The following SETD5 variants were observed in gnomAD, a reference collection of about 807,000 sequenced individuals.
SETD5 encodes SET domain containing 5.
In SETD5, 44 loss-of-function variants were observed where a neutral mutation model predicts 153.3. The observed-to-expected ratio is 0.29, with a 90% CI of 0.23 to 0.37. SETD5 has a LOEUF of 0.37. Ranked by LOEUF, SETD5 falls within the 10% of genes least tolerant of loss-of-function variation. SETD5 has a pLI of 1.00. For synonymous variants in SETD5, 716 were observed against 645.2 expected, an observed-to-expected ratio of 1.11 and a Z score of -1.66; for missense variants, 1,544 against 1,768.0, an observed-to-expected ratio of 0.87 and a Z score of 2.27.
In SETD5 at chr3:9,435,878, G is replaced by A. The variant is rs756805346; in HGVS notation, c.539G>A (p.Arg180His). The A allele has an allele frequency of 2.8e-5, 44 of 1,592,706 alleles. No homozygotes were observed. Among genetic ancestry groups the A allele is most frequent in the Middle Eastern group, 1.7e-4 (1 of 6,056 alleles). Residue 180 changes from arginine (R) to histidine (H), a missense_variant, in exon 7 of 23, where the codon CGT (arginine) becomes CAT (histidine). Arg to His is a conservative substitution (Grantham distance 29). This residue lies in a region of SETD5 where 251 missense variants were observed against 326.9 expected (regional missense o/e 0.77). Transcript: ENST00000402198. Reference sequence around the variant, plus strand: ...CGGAAAAAGAGTCCAGAAAAGGGTCGTGCAGCACCAAAGACGAAGAAAATC... The same window carrying A: ...CGGAAAAAGAGTCCAGAAAAGGGTCATGCAGCACCAAAGACGAAGAAAATC... The part of the protein sequence containing the change: ...KKRKKSPEKG[R>H]AAPKTKKIKN...
rs201561587 is a variant in SETD5 at position 9,447,813 on chromosome 3, A to G, written c.1910A>G (p.Asn637Ser). The G allele has an allele frequency of 8.8e-5, 142 of 1,613,942 alleles. No individual in the cohort carries two copies. The highest frequency in any genetic ancestry group is 4.7e-4 in the Admixed American group (28 of 60,010). The part of the protein sequence containing the change: ...AQRLKRQKQA[N>S]AQQAELSQAA... ...AGACTAAAGCGTCAGAAGCAGGCCA[A>G]TGCACAGCAGGCAGAATTGTCACAA... Residue 637 changes from asparagine (N) to serine (S), a missense_variant, in exon 15 of 23, where the codon AAT becomes AGT. This residue lies in a region of SETD5 where 782 missense variants were observed against 787.2 expected (regional missense o/e 0.99). Transcript: ENST00000402198.
At chr3:9,409,068 A>G (rs2036157330) in intron 1 of SETD5, among the ~76,000 whole-genome samples, 1 of 152,222 alleles carries the variant, frequency 6.6e-6, no homozygotes, top group Non-Finnish European at 1.5e-5. Context: ...TTGGTTGAAG[A>G]CTGAAGAAAA....
At chr3:9,453,035 C>T (rs2042811826) in intron 16 of SETD5, among the ~76,000 whole-genome samples, 1 of 152,108 alleles carries the variant, frequency 6.6e-6, no homozygotes, top group Non-Finnish European at 1.5e-5. Flanking sequence ...AAATTTATTT[C>T]TTGTCAGTTT....
intron 18 of SETD5, among the ~76,000 whole-genome samples, chr3:9,469,786 G>C (rs1459193266): frequency 6.6e-6 from 1 of 152,192 alleles, no homozygotes; most frequent in Non-Finnish European, 1.5e-5. Flanking sequence ...AATCTGCAGT[G>C]ATGAGCATTA....
chr3:9,445,741 G>A lies in SETD5; in HGVS notation c.1524+1G>A. The A allele has an allele frequency of 6.2e-7, 1 of 1,606,256 alleles. No homozygotes were observed. The highest frequency in any genetic ancestry group is 1.7e-5 in the Admixed American group (1 of 58,890). The stretch of plus-strand genomic sequence containing the variant: ...GGAGAACCTAGCTCATAGCAGGAGG[G>A]TGAGTACTGTCTGACATTACTTTGC... On this transcript the variant is annotated splice_donor_variant, in intron 13 of 22. Coordinates refer to ENST00000402198, the MANE Select transcript of SETD5 (RefSeq NM_001080517.3). LOFTEE classifies it high-confidence loss of function.
At chr3:9,433,345 T>C in intron 3 of SETD5, 1 of 1,285,126 alleles carries the variant, frequency 7.8e-7, no homozygotes, top group African/African-American at 1.5e-5. Context: ...TAAGATGCCA[T>C]TGTTTTTACC....
intron 1 of SETD5, among the ~76,000 whole-genome samples, chr3:9,421,788 C>A (rs182928407): frequency 1.3e-5 from 2 of 152,062 alleles, no homozygotes; most frequent in Admixed American, 6.5e-5. Flanking sequence ...ATTTATTGAC[C>A]TATTAAAGAT....
At chr3:9,448,341 A>G (rs2042251696) in intron 15 of SETD5, 47 bp from the exon 16 acceptor site, 1 of 1,595,812 alleles carries the variant, frequency 6.3e-7, no homozygotes, top group Non-Finnish European at 8.5e-7. Flanking sequence ...TATGAACTAC[A>G]CTGCTACCTC....
intron 3 of SETD5, chr3:9,430,436 TTTTG>T (rs572549871): frequency 3.1e-4 from 222 of 727,626 alleles, no homozygotes; most frequent in Non-Finnish European, 3.6e-4. Flanking sequence ...CTTCTTTTGT[TTTTG>T]TTTGTTTTGT....
At chr3:9,442,819 C>G (rs2125203102) in intron 10 of SETD5, 1 of 166,332 alleles carries the variant, frequency 6.0e-6, no homozygotes, top group South Asian at 1.4e-4. Context: ...GGGCAGATAA[C>G]AAGGTCAGGA....
At chr3:9,422,972 C>T (rs1575295114) in intron 1 of SETD5, among the ~76,000 whole-genome samples, 1 of 152,332 alleles carries the variant, frequency 6.6e-6, no homozygotes, top group East Asian at 1.9e-4. Flanking sequence ...TCCTGCCAGT[C>T]CTCTTCACAG....
chr3:9,429,496 A>G (rs2039713263), intron 3 of SETD5, among the ~76,000 whole-genome samples: 1 of 152,186 alleles, frequency 6.6e-6, no homozygotes, highest in Non-Finnish European at 1.5e-5. Context: ...GAACAGCGTC[A>G]TCTGTTTTTT....
rs1391348092 is a variant in SETD5, at chr3:9,441,464, A to T, written c.811-129A>T. 3.7e-6 allele frequency: 3 copies of T among 804,870 alleles called. No homozygotes were observed. The African/African-American group carries it at 5.3e-5, about 14-fold the overall frequency. The allele number at this position is 804,870 out of a possible 1,614,324, so 49.9% of individuals were successfully genotyped here. ...TCATCACATTTTAAAATTTCTCATC[A>T]TTGATCTAAATAACATGTACAGATA... On this transcript the variant is annotated intron_variant, in intron 8 of 22. Coordinates refer to ENST00000402198, the MANE Select transcript of SETD5 (RefSeq NM_001080517.3).
At position 9,475,822 on chromosome 3, in the gene SETD5, G is replaced by C; in HGVS notation, c.4060G>C (p.Asp1354His). The C allele has an allele frequency of 6.2e-7, 1 of 1,613,990 alleles. No homozygotes were observed. Among genetic ancestry groups the C allele is most frequent in the Middle Eastern group, 1.6e-4 (1 of 6,062 alleles). Residue 1354 changes from aspartate to histidine, a missense_variant, in exon 23 of 23, where the codon GAC becomes CAC. By Grantham distance (81) the Asp-to-His change is moderately conservative. Coordinates refer to ENST00000402198, the MANE Select transcript of SETD5 (RefSeq NM_001080517.3). ...TAGCCCTACCCTGCAGGGACCCTCA[G>C]ACTCGCCAACCTCAGATTCAGTTTC... is the stretch of plus-strand genomic sequence containing the variant. ...AASPTLQGPS[D>H]SPTSDSVSQS...
chr3:9,428,835 C>A lies in SETD5; in HGVS notation c.-104C>A. The A allele has an allele frequency of 1.6e-6, 1 of 637,304 alleles. No homozygotes were observed. The highest frequency in any genetic ancestry group is 2.7e-6 in the Non-Finnish European group (1 of 366,380). The allele number at this position is 637,304 out of a possible 1,614,324, so 39.5% of individuals were successfully genotyped here. A position where few individuals can be genotyped will look rare whatever the true frequency, so the allele number is the denominator to read the frequency against. ...TTTTCTGTTACAGGATTCCTCATGT[C>A]CATAACATGTTGGATGAGGCTCTGC... On this transcript the variant is annotated 5_prime_UTR_variant, in exon 3 of 23. Coordinates refer to ENST00000402198, the MANE Select transcript of SETD5 (RefSeq NM_001080517.3).
In SETD5 at chr3:9,431,278, CA is replaced by C. The variant is rs1209423258; in HGVS notation, c.71+2270del. On this transcript the variant is annotated intron_variant, in intron 3 of 22. Coordinates refer to ENST00000402198, the MANE Select transcript of SETD5 (RefSeq NM_001080517.3). ...CATTTTCCAAGAAATGGCATGATAG[CA>C]GCTGGGTTGCATGTTGTACTTAGAA... 3.0e-6 allele frequency: 3 copies of C among 985,212 alleles called. No individual in the cohort carries two copies. The African/African-American group carries it at 5.2e-5, about 17-fold the overall frequency. The allele number at this position is 985,212 out of a possible 1,614,324, so 61.0% of individuals were successfully genotyped here. A position where few individuals can be genotyped will look rare whatever the true frequency, so the allele number is the denominator to read the frequency against.
rs2040260948 is a variant in SETD5, at chr3:9,433,899, T to G, written c.126T>G (p.Thr42=). The G allele has an allele frequency of 1.2e-6, 2 of 1,613,844 alleles. No individual in the cohort carries two copies. The highest frequency in any genetic ancestry group is 3.3e-5 in the Admixed American group (2 of 60,010). The change falls in exon 4 of 23, where the codon ACT becomes ACG. Residue 42 remains threonine (T), a synonymous_variant. Coordinates refer to ENST00000402198, the MANE Select transcript of SETD5 (RefSeq NM_001080517.3). Reference sequence around the variant, plus strand: ...TTAATGAGAAGAGCGTGTATTCCACTCATAATTATGGGACCACTCAGAGGC... The same window carrying G: ...TTAATGAGAAGAGCGTGTATTCCACGCATAATTATGGGACCACTCAGAGGC... ...PAVNEKSVYS[T]HNYGTTQRHG...
At chr3:9,464,293 G>A in intron 17 of SETD5, 132 bp from the exon 18 acceptor site, 1 of 1,241,886 alleles carries the variant, frequency 8.1e-7, no homozygotes, top group Non-Finnish European at 1.1e-6. Context: ...TGGTTGGATT[G>A]GAGGAGATAA....
intron 2 of SETD5, among the ~76,000 whole-genome samples, chr3:9,427,633 A>G (rs1288104342): frequency 6.6e-6 from 1 of 152,198 alleles, no homozygotes; most frequent in Non-Finnish European, 1.5e-5. Flanking sequence ...TTTTTTTAGT[A>G]TTAATAATTG....
Sources: gnomAD v4.1 joint callset for allele counts (sites outside exome capture counted in the v4.1 genomes callset) on GRCh38, gnomAD v4.1.1 for gene constraint, gnomAD v4.1.1 regional missense constraint, MANE v1.5 for transcripts, NCBI Gene and HGNC (gene_info 2026-07-23, HGNC 2026-07-21) for gene names.